LOC128125822: variants seen among roughly 807,000 people sequenced by gnomAD.
At chr6:63,579,067 A>G in the LOC128125822 span, 3 of 1,528,546 alleles carry the variant, frequency 2.0e-6, no homozygotes, top group Non-Finnish European at 2.6e-6. Context: ...GTAAAAATCT[A>G]TTGATAATGA....
chr6:63,576,010 AATC>A, the LOC128125822 span, among the ~76,000 whole-genome samples: 3 of 151,710 alleles, frequency 2.0e-5, no homozygotes, highest in Non-Finnish European at 4.4e-5. Flanking sequence ...TAGTTGGAAA[AATC>A]AACATAAAGT....
the LOC128125822 span, chr6:63,576,621 A>G: frequency 2.0e-6 from 1 of 494,258 alleles, no homozygotes; most frequent in African/African-American, 2.0e-5. Context: ...TCCACAGAGC[A>G]TTTTACAAGA....
the LOC128125822 span, chr6:63,573,118 C>G: frequency 6.1e-6 from 1 of 163,526 alleles, no homozygotes; most frequent in African/African-American, 2.4e-5. Context: ...TGGTCTGGCG[C>G]GACCCGTCCG....
chr6:63,581,034 G>A, the LOC128125822 span: 2 of 152,226 alleles, frequency 1.3e-5, no homozygotes, highest in Admixed American at 1.3e-4. Context: ...TTTTTTAAAA[G>A]GTAGAGATGC....
the LOC128125822 span, chr6:63,581,166 T>C: frequency 6.6e-6 from 1 of 152,282 alleles, no homozygotes; most frequent in Non-Finnish European, 1.5e-5. Flanking sequence ...TCCCAACCTC[T>C]CTTGCAAAAA....
chr6:63,573,522 T>TCGGGCGCACACAGCCGCGTGCG, the LOC128125822 span: 14 of 152,278 alleles, frequency 9.2e-5, no homozygotes, highest in East Asian at 1.6e-3. Context: ...GCGGGCGTGC[T>TCGGGCGCACACAGCCGCGTGCG]CGGGCGCACA....
chr6:63,575,982 G>A, the LOC128125822 span, among the ~76,000 whole-genome samples: 1 of 151,820 alleles, frequency 6.6e-6, no homozygotes, highest in Non-Finnish European at 1.5e-5. Context: ...TTGTATTAAT[G>A]TGTAAAAATG....
the LOC128125822 span, chr6:63,573,542 G>T: frequency 6.6e-6 from 1 of 152,226 alleles, no homozygotes; most frequent in South Asian, 2.1e-4. Context: ...ACAGCCGCGT[G>T]CGCGGGGCGG....
chr6:63,578,365 T>A, the LOC128125822 span: 3 of 1,490,964 alleles, frequency 2.0e-6, 1 homozygote, highest in South Asian at 2.7e-5. Flanking sequence ...TCAGAGATGA[T>A]CAGAATATAA....
chr6:63,581,482 CTTATT>C, the LOC128125822 span: 1 of 152,502 alleles, frequency 6.6e-6, no homozygotes, highest in Admixed American at 6.6e-5. Flanking sequence ...TTAAAATTAA[CTTATT>C]TTGTAGAAGA....
chr6:63,582,769 C>CCAT, the LOC128125822 span: 2 of 152,156 alleles, frequency 1.3e-5, no homozygotes, highest in Non-Finnish European at 2.9e-5. Flanking sequence ...GAAGTAGGTG[C>CCAT]CATTGGTCAT....
chr6:63,572,515 C>CCGGCTCGGCTACGCGCT, the LOC128125822 span: 9 of 391,118 alleles, frequency 2.3e-5, no homozygotes, highest in South Asian at 3.8e-4. Context: ...CGGCTGCGGG[C>CCGGCTCGGCTACGCGCT]CGGCTCGGCT....
chr6:63,576,706 C>G, the LOC128125822 span: 1 of 613,706 alleles, frequency 1.6e-6, no homozygotes, highest in African/African-American at 1.9e-5. Context: ...TGAAGAATTG[C>G]TGCTTCTTGT....
chr6:63,581,670 A>G, the LOC128125822 span: 1 of 152,154 alleles, frequency 6.6e-6, no homozygotes, highest in Non-Finnish European at 1.5e-5. Flanking sequence ...AGGTCTAGAT[A>G]ATTTTGAACC....
chr6:63,580,877 C>T, the LOC128125822 span: 1 of 152,524 alleles, frequency 6.6e-6, no homozygotes, highest in African/African-American at 2.4e-5. Flanking sequence ...AAAAGCCTTA[C>T]ATTAATTTAA....
chr6:63,576,235 C>G, the LOC128125822 span, among the ~76,000 whole-genome samples: 1 of 151,638 alleles, frequency 6.6e-6, no homozygotes, highest in East Asian at 1.9e-4. Context: ...TCAGTTTAAT[C>G]TATCTGACTG....
At chr6:63,576,964 G>T in the LOC128125822 span, 8 of 1,612,506 alleles carry the variant, frequency 5.0e-6, no homozygotes, top group Non-Finnish European at 6.8e-6. Flanking sequence ...CAACCAATGC[G>T]ACCTTAAACA....
the LOC128125822 span, chr6:63,582,002 A>T: frequency 6.6e-6 from 1 of 152,178 alleles, no homozygotes; most frequent in East Asian, 1.9e-4. Flanking sequence ...GTAAAAAGTG[A>T]TACTCCACCT....
chr6:63,575,984 G>A, the LOC128125822 span, among the ~76,000 whole-genome samples: 4 of 151,866 alleles, frequency 2.6e-5, no homozygotes, highest in African/African-American at 7.2e-5. Context: ...GTATTAATGT[G>A]TAAAAATGTT....
Sources: allele counts gnomAD v4.1 joint callset (sites outside exome capture counted in the v4.1 genomes callset), GRCh38; gene constraint gnomAD v4.1.1; transcripts MANE v1.5.